Variants in TSGA10 observed in about 807,000 individuals in gnomAD.
TSGA10 encodes the protein testis-specific gene 10 protein.
Under a neutral mutation model 96.6 loss-of-function variants are expected in TSGA10, and 43 were observed. The ratio of observed to expected loss-of-function variants is 0.44; its 90% CI spans 0.35 to 0.57. The LOEUF is 0.57. TSGA10 is among the 20% of genes least tolerant of loss of function. TSGA10 has a pLI of 0.01. For missense variants in TSGA10, 703 were observed against 834.4 expected (o/e 0.84, Z 1.94); for synonymous variants, 229 against 269.9 (o/e 0.85, Z 1.48).
chr2:99,154,941 T>C lies in TSGA10; in HGVS notation c.-869A>G, dbSNP rs902725447. 3 of 451,864 alleles carry C rather than the reference T, an allele frequency of 6.6e-6. No homozygotes were observed. Among genetic ancestry groups the C allele is most frequent in the African/African-American group, 2.0e-5 (1 of 49,948 alleles). The allele number at this position is 451,864 out of a possible 1,614,324, so 28.0% of individuals were successfully genotyped here. A position where few individuals can be genotyped will look rare whatever the true frequency, so the allele number is the denominator to read the frequency against. ...CTCTTGCGCTTCAGGGGGCCGGCCC[T>C]CAGGGGGCGGGGCAGCATCGCGCGC... On this transcript the variant is annotated 5_prime_UTR_variant, in exon 1 of 21. Coordinates refer to ENST00000393483, the MANE Select transcript of TSGA10 (RefSeq NM_025244.4).
At chr2:99,064,845 C>T (rs1338062458) in intron 16 of TSGA10, 94 bp downstream of exon 16, 7 of 1,021,500 alleles carry the variant, frequency 6.9e-6, no homozygotes, top group South Asian at 4.2e-5. Flanking sequence ...AAATAATTTA[C>T]GTGTTTGTTC....
chr2:99,086,499 A>C (rs551202928), intron 10 of TSGA10, among the ~76,000 whole-genome samples: 2 of 152,362 alleles, frequency 1.3e-5, no homozygotes, highest in African/African-American at 4.8e-5. Flanking sequence ...AATTATGATC[A>C]TATCAACAGA....
At chr2:99,039,889 G>A (rs561119808) in intron 16 of TSGA10, among the ~76,000 whole-genome samples, 25 of 152,090 alleles carry the variant, frequency 1.6e-4, no homozygotes, top group Non-Finnish European at 2.4e-4. Flanking sequence ...CTAGCTAGCC[G>A]AATCCAACAG....
intron 10 of TSGA10, among the ~76,000 whole-genome samples, chr2:99,097,143 G>A (rs2090145876): frequency 6.6e-6 from 1 of 151,994 alleles, no homozygotes; most frequent in African/African-American, 2.4e-5. Context: ...TTAAAGTATG[G>A]TTACACAGTT....
At chr2:99,013,586 C>T (rs189727856) in intron 20 of TSGA10, among the ~76,000 whole-genome samples, 1,621 of 151,862 alleles carry the variant, frequency 0.011, 8 homozygotes, top group Middle Eastern at 0.027. Context: ...CTGCCTCCGC[C>T]CCCCAAAGTG....
At chr2:99,028,196 C>G (rs2080814871) in intron 17 of TSGA10, among the ~76,000 whole-genome samples, 1 of 152,178 alleles carries the variant, frequency 6.6e-6, no homozygotes, top group Non-Finnish European at 1.5e-5. Flanking sequence ...CAACTATTAG[C>G]CTCTATTAAT....
intron 17 of TSGA10, among the ~76,000 whole-genome samples, chr2:99,026,515 G>C (rs2080581858): frequency 6.6e-6 from 1 of 151,846 alleles, no homozygotes; most frequent in Non-Finnish European, 1.5e-5. Flanking sequence ...TGCCTCCCAG[G>C]TTCATGCCAT....
In TSGA10 at chr2:99,108,931, A is replaced by C. The variant is rs1473709701; in HGVS notation, c.112T>G (p.Cys38Gly). Residue 38 changes from cysteine (C) to glycine (G), a missense_variant, in exon 7 of 21, where the codon TGC becomes GGC. This residue lies in a region of TSGA10 where 585 missense variants were observed against 656.8 expected (regional missense o/e 0.89). Transcript: ENST00000393483. ...TGGCGCTCATATTTTTCCAGCATGC[A>C]TTTAAGTTCTTCACGATCTCTTGTT... ...TTTRDREELK[C>G]MLEKYERHLA... The C allele has an allele frequency of 9.3e-6, 15 of 1,608,242 alleles. No homozygotes were observed. Among genetic ancestry groups the C allele is most frequent in the South Asian group, 7.8e-5 (7 of 89,638 alleles).
intron 17 of TSGA10, among the ~76,000 whole-genome samples, chr2:99,032,694 G>A (rs1039430406): frequency 4.6e-5 from 7 of 152,220 alleles, no homozygotes; most frequent in African/African-American, 1.7e-4. Context: ...TATTGGTGGA[G>A]AGTTGATCCT....
rs576669120 is a variant in TSGA10 at position 99,018,546 on chromosome 2, G to C, written c.1912C>G (p.Arg638Gly). 1 of 1,613,338 alleles carries C rather than the reference G, an allele frequency of 6.2e-7. No homozygotes were observed. Among genetic ancestry groups the C allele is most frequent in the East Asian group, 2.2e-5 (1 of 44,860 alleles). The change falls in exon 19 of 21, where the codon CGC (arginine) becomes GGC (glycine). Residue 638 changes from arginine (R) to glycine (G), a missense_variant. Around this residue, in one of 3 missense-constraint regions of TSGA10, gnomAD observed 69 missense variants for 81.3 expected, o/e 0.85. Coordinates refer to ENST00000393483, the MANE Select transcript of TSGA10 (RefSeq NM_025244.4). ...DITKRQLGTE[R>G]FERERAVQEL... is the part of the protein sequence containing the mutation. ...TAGAGATAAACTTACCTTTCAAAGC[G>C]CTCTGTTCCTAGTTGTCTTTTGGTA...
intron 1 of TSGA10, among the ~76,000 whole-genome samples, chr2:99,132,081 T>G (rs1045856972): frequency 2.6e-5 from 4 of 152,144 alleles, no homozygotes; most frequent in Middle Eastern, 3.4e-3. Flanking sequence ...GCCTGAAATT[T>G]TTTGCTGTTG....
chr2:99,075,714 C>T (rs2086629102), intron 12 of TSGA10, among the ~76,000 whole-genome samples: 1 of 152,006 alleles, frequency 6.6e-6, no homozygotes, highest in African/African-American at 2.4e-5. Flanking sequence ...ATACAAAGTT[C>T]TTGATTTTGA....
intron 20 of TSGA10, among the ~76,000 whole-genome samples, chr2:99,008,792 G>A (rs878960861): frequency 1.3e-5 from 2 of 152,162 alleles, no homozygotes; most frequent in African/African-American, 4.8e-5. Context: ...TAGGAGGTGG[G>A]TTGCATAACT....
chr2:99,050,386 A>G (rs1270049722), intron 16 of TSGA10, among the ~76,000 whole-genome samples: 1 of 152,222 alleles, frequency 6.6e-6, no homozygotes, highest in East Asian at 1.9e-4. Flanking sequence ...TCAGATTTTC[A>G]TATGTATTTT....
At chr2:99,130,540 G>A (rs1216683180) in intron 1 of TSGA10, among the ~76,000 whole-genome samples, 1 of 151,914 alleles carries the variant, frequency 6.6e-6, no homozygotes, top group Non-Finnish European at 1.5e-5. Flanking sequence ...TTGTCAGATG[G>A]GTAGATTGCA....
chr2:99,154,506 C>G (rs146373242), intron 1 of TSGA10, 187 bp downstream of exon 1: 1 of 153,444 alleles, frequency 6.5e-6, no homozygotes, highest in African/African-American at 2.4e-5. Context: ...AGTTACCTGC[C>G]ATTTGGACTC....
At position 99,005,293 on chromosome 2, in the gene TSGA10, G is replaced by A. The variant is rs558259788; in HGVS notation, c.2073-7072C>T. 9.9e-5 allele frequency among the ~76,000 whole-genome samples: 15 copies of A among 152,234 alleles called. No homozygotes were observed. In the South Asian group the frequency reaches 3.1e-3, roughly 32 times the overall value. ...CATTCTGTTGGAAGTGCTGACCAGG[G>A]CAATTAGGCAGGAGAAAGAAACAAA... On this transcript the variant is annotated intron_variant, in intron 20 of 20. Coordinates refer to ENST00000393483, the MANE Select transcript of TSGA10 (RefSeq NM_025244.4).
chr2:99,149,642 C>A (rs1244525739), intron 1 of TSGA10, among the ~76,000 whole-genome samples: 2 of 151,578 alleles, frequency 1.3e-5, no homozygotes, highest in African/African-American at 4.9e-5. Flanking sequence ...TGGGGTTTCA[C>A]CATATTAGCC....
chr2:99,021,847 TG>T (rs1301919855), intron 17 of TSGA10, among the ~76,000 whole-genome samples: 1 of 152,236 alleles, frequency 6.6e-6, no homozygotes, highest in African/African-American at 2.4e-5. Context: ...TTTGTGTTAA[TG>T]AACATTACAT....
Sources: gnomAD v4.1 joint callset for allele counts (sites outside exome capture counted in the v4.1 genomes callset) on GRCh38, gnomAD v4.1.1 for gene constraint, gnomAD v4.1.1 regional missense constraint, MANE v1.5 for transcripts, NCBI Gene and HGNC (gene_info 2026-07-23, HGNC 2026-07-21) for gene names.